The following TLN2 variants were observed in gnomAD, a reference collection of about 807,000 sequenced individuals.
TLN2 encodes the protein talin-2.
A neutral mutation model predicts 294.7 loss-of-function variants in TLN2; 118 were observed. The ratio of observed to expected loss-of-function variants is 0.40; its 90% confidence interval spans 0.34 to 0.47. TLN2 has a LOEUF of 0.47. Ranked by LOEUF, TLN2 falls within the 20% of genes least tolerant of loss-of-function variation. The probability of loss-of-function intolerance (pLI) is 0.84; values close to 1 mark genes in which losing one functional copy is unlikely to be tolerated. For missense variants in TLN2, 3,083 were observed against 3,282.2 expected, an observed-to-expected ratio of 0.94 and a Z score of 1.48; for synonymous variants, 1,431 against 1,304.5, an observed-to-expected ratio of 1.10 and a Z score of -2.09.
chr15:62,473,707 C>A (rs1032881508), intron 1 of TLN2, among the ~76,000 whole-genome samples: 1 of 152,220 alleles, frequency 6.6e-6, no homozygotes, highest in Admixed American at 6.5e-5. Context: ...TCTCTTTCAT[C>A]AGTGCTACAA....
At chr15:62,784,662 G>C (rs998395202) in intron 45 of TLN2, 1 of 152,094 alleles carries the variant, frequency 6.6e-6, no homozygotes, top group African/African-American at 2.4e-5. Context: ...TCCAGGGCTT[G>C]GGGGAACCAC....
At chr15:62,655,192 G>A (rs530632453) in intron 7 of TLN2, among the ~76,000 whole-genome samples, 10 of 152,276 alleles carry the variant, frequency 6.6e-5, no homozygotes, top group Admixed American at 5.9e-4. Context: ...TGTGGGAGAT[G>A]TGGGAGACAC....
intron 1 of TLN2, among the ~76,000 whole-genome samples, chr15:62,565,799 CA>C (rs1414098257): frequency 1.3e-5 from 2 of 152,156 alleles, no homozygotes; most frequent in Admixed American, 1.3e-4. Context: ...TTCCCGCCCT[CA>C]AGAAGTTTGC....
At chr15:62,498,409 T>C (rs987638904) in intron 1 of TLN2, among the ~76,000 whole-genome samples, 6 of 152,142 alleles carry the variant, frequency 3.9e-5, no homozygotes, top group African/African-American at 1.4e-4. Context: ...CCTGTTGTTG[T>C]TTTACTGGCT....
intron 1 of TLN2, among the ~76,000 whole-genome samples, chr15:62,502,379 TA>T (rs1567036270): frequency 6.6e-6 from 1 of 152,212 alleles, no homozygotes; most frequent in African/African-American, 2.4e-5. Context: ...TTTGGAGTTT[TA>T]AAATTTCTAA....
chr15:62,685,504 TAGCTGTGTCAAAAGTA>T (rs2057210736), intron 11 of TLN2, among the ~76,000 whole-genome samples: 1 of 152,178 alleles, frequency 6.6e-6, no homozygotes, highest in African/African-American at 2.4e-5. Context: ...TTCTCAAAGC[TAGCTGTGTCAAAAGTA>T]AGGACTTTTT....
chr15:62,418,620 G>A (rs2034216456), intron 1 of TLN2, among the ~76,000 whole-genome samples: 1 of 152,218 alleles, frequency 6.6e-6, no homozygotes, highest in African/African-American at 2.4e-5. Flanking sequence ...TTTCACCTGG[G>A]TGCAGGTGGG....
intron 51 of TLN2, among the ~76,000 whole-genome samples, chr15:62,809,525 C>A (rs192326714): frequency 1.2e-3 from 175 of 152,162 alleles, no homozygotes; most frequent in African/African-American, 4.0e-3. Context: ...TTTCAGGACC[C>A]CTTAAGCTGC....
chr15:62,649,490 A>G (rs1051318852), intron 4 of TLN2, among the ~76,000 whole-genome samples: 1 of 151,994 alleles, frequency 6.6e-6, no homozygotes, highest in Non-Finnish European at 1.5e-5. Context: ...CGTACTTCCT[A>G]TGTCAGATTA....
At chr15:62,433,178 G>A (rs571542869) in intron 1 of TLN2, among the ~76,000 whole-genome samples, 1 of 152,266 alleles carries the variant, frequency 6.6e-6, no homozygotes, top group East Asian at 1.9e-4. Flanking sequence ...CTGCAGCCCT[G>A]ACAGGGCTCC....
At chr15:62,515,109 G>A (rs1204450126) in intron 1 of TLN2, among the ~76,000 whole-genome samples, 5 of 152,248 alleles carry the variant, frequency 3.3e-5, no homozygotes, top group African/African-American at 1.2e-4. Context: ...TTAATGCTAA[G>A]ATTTTTATTA....
At chr15:62,454,464 C>G (rs1210799491) in intron 1 of TLN2, among the ~76,000 whole-genome samples, 1 of 152,162 alleles carries the variant, frequency 6.6e-6, no homozygotes, top group African/African-American at 2.4e-5. Flanking sequence ...TCCTGCAGGG[C>G]TGCTGGTTCT....
At chr15:62,757,952 T>C (rs183455729) in intron 37 of TLN2, among the ~76,000 whole-genome samples, 1 of 152,344 alleles carries the variant, frequency 6.6e-6, no homozygotes, top group East Asian at 1.9e-4. Flanking sequence ...TACTATATAC[T>C]GAATAGATTT....
intron 1 of TLN2, among the ~76,000 whole-genome samples, chr15:62,572,237 CT>C (rs965806302): frequency 0.012 from 1,697 of 146,468 alleles, 17 homozygotes; most frequent in Non-Finnish European, 0.016. Flanking sequence ...TTGTCACCTC[CT>C]TTTTTTTTTT....
At position 62,508,467 on chromosome 15, in the gene TLN2, G is replaced by A. The variant is rs549539449; in HGVS notation, c.-237-81220G>A. Among the ~76,000 whole-genome samples, 5 of 152,176 alleles carry A rather than the reference G, an allele frequency of 3.3e-5. No individual in the cohort carries two copies. The East Asian group carries it at 7.7e-4, about 24-fold the overall frequency. ...CCTGACCTTGTGATCCACCCGCCTC[G>A]GCCTCCCAAAGTGCTGGGATTACAG... is the stretch of plus-strand genomic sequence containing the variant. On this transcript the variant is annotated intron_variant, in intron 1 of 58. Transcript: ENST00000636159.
At chr15:62,681,551 C>T (rs375847572) in intron 11 of TLN2, among the ~76,000 whole-genome samples, 1 of 152,044 alleles carries the variant, frequency 6.6e-6, no homozygotes, top group Admixed American at 6.6e-5. Context: ...TGTAATAGAG[C>T]GTGCTTGCAT....
At chr15:62,822,166 C>T (rs2067626938) in intron 54 of TLN2, among the ~76,000 whole-genome samples, 1 of 152,160 alleles carries the variant, frequency 6.6e-6, no homozygotes, top group Non-Finnish European at 1.5e-5. Context: ...CGTGTCTGGT[C>T]GTTCACTTCA....
intron 38 of TLN2, 72 bp downstream of exon 38, chr15:62,761,893 G>T (rs1312221054): frequency 3.8e-6 from 6 of 1,590,100 alleles, no homozygotes; most frequent in Non-Finnish European, 5.2e-6. Flanking sequence ...TGAGTTACTA[G>T]TTAAAACTCC....
intron 22 of TLN2, among the ~76,000 whole-genome samples, chr15:62,713,917 CTGTGTGTGTGTA>C (rs140825482): frequency 0.011 from 1,306 of 121,710 alleles, 37 homozygotes; most frequent in Non-Finnish European, 0.015. Context: ...TATATATATG[CTGTGTGTGTGTA>C]TGTGTGTGTG....
Sources: gnomAD v4.1 joint callset for allele counts (sites outside exome capture counted in the v4.1 genomes callset) on GRCh38, gnomAD v4.1.1 for gene constraint, MANE v1.5 for transcripts, NCBI Gene and HGNC (gene_info 2026-07-23, HGNC 2026-07-21) for gene names.